The following UBA52 variants were observed in gnomAD, a reference collection of about 807,000 sequenced individuals.
The protein encoded by UBA52 is ubiquitin-ribosomal protein eL40 fusion protein.
In UBA52, 1 loss-of-function variant was observed where a neutral mutation model predicts 15.3. The ratio of observed to expected loss-of-function variants is 0.07; its 90% CI spans 0.02 to 0.31. The LOEUF (loss-of-function observed/expected upper bound fraction) is 0.31, where lower values mean the gene tolerates loss of function less well. Among genes scored for constraint, UBA52 ranks in the 10% least tolerant of loss-of-function variants. The pLI, the probability that UBA52 is intolerant of heterozygous loss-of-function variation, is 1.00. For synonymous variants in UBA52, 50 were observed against 58.3 expected (o/e 0.86, Z 0.65); for missense variants, 87 against 168.0 (o/e 0.52, Z 2.66).
upstream of UBA52, chr19:18,567,299 G>A: frequency 1.0e-6 from 1 of 994,292 alleles, no homozygotes; most frequent in East Asian, 2.5e-5. Flanking sequence ...AGTGGGTCTG[G>A]GGAAACCTGG....
At position 18,576,100 on chromosome 19, in the gene UBA52, T is replaced by A. The variant is rs985438816; in HGVS notation, c.*950T>A. 3 of 152,220 alleles carry A rather than the reference T, an allele frequency of 2.0e-5. No homozygotes were observed. The highest frequency in any genetic ancestry group is 7.2e-5 in the African/African-American group (3 of 41,428). The allele number at this position is 152,220 out of a possible 1,614,324, so 9.4% of individuals were successfully genotyped here. On this transcript the variant is annotated 3_prime_UTR_variant, in exon 5 of 5. Transcript: ENST00000442744. ...GACATCACTCATGGTCTGCAGTCAG[T>A]GCTCTGCCCCTGAGCTGTACCCTCT... is the stretch of plus-strand genomic sequence containing the variant.
the UBA52 span, among the ~76,000 whole-genome samples, chr19:18,564,490 G>A: frequency 1.2e-3 from 177 of 152,174 alleles, no homozygotes; most frequent in African/African-American, 4.1e-3. Context: ...GCATGGTGGC[G>A]GACGCCTGTA....
chr19:18,567,317 G>A, upstream of UBA52: 1 of 855,802 alleles, frequency 1.2e-6, no homozygotes, highest in Non-Finnish European at 1.9e-6. Context: ...TGGGGTGGGG[G>A]CAGGGTCAGG....
intron 1 of UBA52, chr19:18,572,719 C>A: frequency 1.1e-6 from 1 of 918,556 alleles, no homozygotes; most frequent in Non-Finnish European, 1.3e-6. Context: ...GGTTTGGGGT[C>A]AAGGCAAGAA....
At chr19:18,564,829 A>T in the UBA52 span, 1 of 1,610,018 alleles carries the variant, frequency 6.2e-7, no homozygotes, top group East Asian at 2.2e-5. Context: ...CAGGGCCCTG[A>T]AGCTGGGCAG....
chr19:18,574,665 C>G (rs1281397310), intron 3 of UBA52, among the ~76,000 whole-genome samples: 1 of 152,180 alleles, frequency 6.6e-6, no homozygotes, highest in African/African-American at 2.4e-5. Context: ...CCCCAGGGCT[C>G]GTGGTCAGTG....
upstream of UBA52, among the ~76,000 whole-genome samples, chr19:18,567,483 T>C (rs1000520443): frequency 7.2e-5 from 11 of 152,204 alleles, no homozygotes; most frequent in Non-Finnish European, 1.0e-4. Context: ...CACGGGCTCA[T>C]GTGACACCAG....
chr19:18,566,302 A>G, the UBA52 span, among the ~76,000 whole-genome samples: 1 of 152,004 alleles, frequency 6.6e-6, no homozygotes, highest in South Asian at 2.1e-4. Context: ...TACAAAAAAT[A>G]CTAAAAATAC....
At chr19:18,567,379 T>C (rs971059602), upstream of UBA52, 8 of 650,070 alleles carry the variant, frequency 1.2e-5, no homozygotes, top group African/African-American at 1.3e-4. Context: ...AGGACGGGAG[T>C]CCGTGCCCCG....
the UBA52 span, chr19:18,565,011 C>T: frequency 3.1e-6 from 5 of 1,601,026 alleles, no homozygotes; most frequent in Non-Finnish European, 3.4e-6. Context: ...CAGCATCTTC[C>T]GCCGTATCAG....
upstream of UBA52, chr19:18,567,061 C>A: frequency 6.8e-7 from 1 of 1,464,972 alleles, no homozygotes; most frequent in Non-Finnish European, 9.5e-7. Context: ...GCAGCAGGGG[C>A]TTGTGGCCAG....
rs1369956772 is a variant in UBA52 at position 18,577,220 on chromosome 19, A to G, written c.*2070A>G. On this transcript the variant is annotated 3_prime_UTR_variant, in exon 5 of 5. Transcript: ENST00000442744. ...CCTGGGCCAGTTTGGGGACTTTCAC[A>G]AAAGACCCCCATGACTCAGGGTTTT... is the stretch of plus-strand genomic sequence containing the variant. The G allele has an allele frequency of 2.0e-5, 3 of 152,016 alleles. No individual in the cohort carries two copies. Among genetic ancestry groups the G allele is most frequent in the Non-Finnish European group, 1.5e-5 (1 of 68,020 alleles). The allele number at this position is 152,016 out of a possible 1,614,324, so 9.4% of individuals were successfully genotyped here.
At chr19:18,572,376 C>T (rs1366570284) in intron 1 of UBA52, 1 of 152,166 alleles carries the variant, frequency 6.6e-6, no homozygotes, top group Non-Finnish European at 1.5e-5. Context: ...GTCGCCTAAG[C>T]TGGAGTTCAG....
Position 18,575,175 on chromosome 19 carries a change from C to T in UBA52, c.*25C>T, listed in dbSNP as rs1466725071. 1.9e-6 allele frequency: 3 copies of T among 1,613,338 alleles called. No individual in the cohort carries two copies. The highest frequency in any genetic ancestry group is 2.5e-6 in the Non-Finnish European group (3 of 1,179,602). ...AGGTGGTTCTTTCCTTGAAGGGCAG[C>T]CTCCTGCCCAGGCCCCGTGGCCCTG... is the stretch of plus-strand genomic sequence containing the variant. On this transcript the variant is annotated 3_prime_UTR_variant, in exon 5 of 5. Coordinates refer to ENST00000442744, the MANE Select transcript of UBA52 (RefSeq NM_001033930.3).
chr19:18,568,313 G>T, upstream of UBA52: 1 of 922,986 alleles, frequency 1.1e-6, no homozygotes, highest in Non-Finnish European at 1.7e-6. Flanking sequence ...TGGGGTGAGG[G>T]CAGCCGTTAG....
Position 18,575,500 on chromosome 19 carries a change from G to T in UBA52, c.*350G>T, listed in dbSNP as rs1410452368. 2.9e-6 allele frequency: 1 copy of T among 348,304 alleles called. No individual in the cohort carries two copies. Among genetic ancestry groups the T allele is most frequent in the South Asian group, 2.5e-5 (1 of 39,774 alleles). The allele number at this position is 348,304 out of a possible 1,614,324, so 21.6% of individuals were successfully genotyped here. A position where few individuals can be genotyped will look rare whatever the true frequency, so the allele number is the denominator to read the frequency against. On this transcript the variant is annotated 3_prime_UTR_variant, in exon 5 of 5. Transcript: ENST00000442744. ...CTGGGATCCTGTCAGGCACTTTGAG[G>T]TGTCCCTCAGGCCTTGGCCCTGAAG...
the UBA52 span, among the ~76,000 whole-genome samples, chr19:18,566,235 G>A: frequency 6.6e-6 from 1 of 152,082 alleles, no homozygotes; most frequent in Non-Finnish European, 1.5e-5. Flanking sequence ...CGGATCACGA[G>A]GTCAGGAGAT....
upstream of UBA52, chr19:18,569,229 C>T (rs1975402836): frequency 6.5e-6 from 1 of 153,044 alleles, no homozygotes; most frequent in African/African-American, 2.4e-5. Context: ...AGGTGTGGAA[C>T]CTGAGGGGCC....
upstream of UBA52, chr19:18,568,684 C>A: frequency 1.4e-6 from 2 of 1,389,910 alleles, no homozygotes; most frequent in Non-Finnish European, 2.0e-6. Flanking sequence ...TACAAGGTGG[C>A]AGCGGGTAAC....
Sources: allele counts gnomAD v4.1 joint callset (sites outside exome capture counted in the v4.1 genomes callset), GRCh38; gene constraint gnomAD v4.1.1; transcripts MANE v1.5; gene names NCBI Gene and HGNC (gene_info 2026-07-23, HGNC 2026-07-21).